TENM2: variants seen among roughly 807,000 people sequenced by gnomAD.
TENM2 encodes teneurin-2.
In TENM2, 52 loss-of-function variants were observed where a neutral mutation model predicts 245.2. The observed-to-expected ratio is 0.21, with a 90% confidence interval of 0.17 to 0.27. The LOEUF is 0.27. TENM2 is among the 10% of genes least tolerant of loss of function. The pLI is 1.00. For missense variants in TENM2, 3,046 were observed against 3,666.8 expected, an observed-to-expected ratio of 0.83 and a Z score of 4.37; for synonymous variants, 1,363 against 1,438.9, an observed-to-expected ratio of 0.95 and a Z score of 1.19.
At chr5:167,001,782 G>A in the TENM2 span, among the ~76,000 whole-genome samples, 1 of 151,840 alleles carries the variant, frequency 6.6e-6, no homozygotes, top group South Asian at 2.1e-4. Context: ...CAAAGCACAT[G>A]GTACAAGCTT....
intron 1 of TENM2, among the ~76,000 whole-genome samples, chr5:167,316,138 C>T: frequency 6.6e-6 from 1 of 152,130 alleles, no homozygotes; most frequent in Admixed American, 6.6e-5. Context: ...CTAAGATTTG[C>T]TTATTTGCTT....
At chr5:167,746,840 G>A (rs10064302) in intron 2 of TENM2, among the ~76,000 whole-genome samples, 19,455 of 151,974 alleles carry the variant, frequency 0.13, 1,582 homozygotes, top group African/African-American at 0.23. Flanking sequence ...GTGTGTGTGC[G>A]TGTGTGTGCA....
At chr5:167,589,157 G>GCTGGC (rs1775705741) in intron 2 of TENM2, among the ~76,000 whole-genome samples, 1 of 150,246 alleles carries the variant, frequency 6.7e-6, no homozygotes, top group Non-Finnish European at 1.5e-5. Context: ...AACTGAGATT[G>GCTGGC]TGCCATTGCA....
At chr5:167,102,637 T>C in the TENM2 span, among the ~76,000 whole-genome samples, 1 of 152,162 alleles carries the variant, frequency 6.6e-6, no homozygotes, top group Admixed American at 6.5e-5. Context: ...GTTTTAGACT[T>C]CACACAGTTT....
chr5:167,617,840 C>T (rs1777889881), intron 2 of TENM2, among the ~76,000 whole-genome samples: 4 of 152,184 alleles, frequency 2.6e-5, no homozygotes, highest in Admixed American at 2.6e-4. Flanking sequence ...ACAGTAAACT[C>T]TCTGCCTATA....
At position 168,162,775 on chromosome 5, in the gene TENM2, C is replaced by T; in HGVS notation, c.2569+18C>T. ...TGAGGGAGGTGAGCACGCGTCTTCTCATTCCCAGCCCCTAAGAGCAGAGCG... is the reference window on the plus strand; with the variant it reads ...TGAGGGAGGTGAGCACGCGTCTTCTTATTCCCAGCCCCTAAGAGCAGAGCG... On this transcript the variant is annotated intron_variant, in intron 13 of 28. Coordinates refer to ENST00000518659, the Ensembl canonical transcript of TENM2. 6.2e-7 allele frequency: 1 copy of T among 1,612,802 alleles called. No homozygotes were observed. The highest frequency in any genetic ancestry group is 1.1e-5 in the South Asian group (1 of 90,968).
At chr5:168,050,672 C>G (rs746844368) in intron 6 of TENM2, among the ~76,000 whole-genome samples, 1 of 152,166 alleles carries the variant, frequency 6.6e-6, no homozygotes, top group Non-Finnish European at 1.5e-5. Flanking sequence ...ATTACCTGGT[C>G]TTTAGGAGTA....
intron 2 of TENM2, among the ~76,000 whole-genome samples, chr5:167,387,633 A>T (rs965082001): frequency 6.6e-6 from 1 of 152,074 alleles, no homozygotes; most frequent in Non-Finnish European, 1.5e-5. Flanking sequence ...TTCCCCATTC[A>T]GTATTATGTT....
At chr5:167,761,210 TTTC>T (rs2150708731) in intron 2 of TENM2, among the ~76,000 whole-genome samples, 1 of 152,318 alleles carries the variant, frequency 6.6e-6, no homozygotes, top group Non-Finnish European at 1.5e-5. Context: ...CCCTGCTTAT[TTTC>T]TTACTTTTAC....
chr5:167,851,595 G>A (rs1232030236), intron 2 of TENM2, among the ~76,000 whole-genome samples: 1 of 152,118 alleles, frequency 6.6e-6, no homozygotes, highest in Admixed American at 6.6e-5. Flanking sequence ...GTAGACTTTT[G>A]ACTATAAAGA....
intron 4 of TENM2, among the ~76,000 whole-genome samples, chr5:167,980,667 T>A (rs1290273577): frequency 6.6e-6 from 1 of 152,154 alleles, no homozygotes; most frequent in Non-Finnish European, 1.5e-5. Flanking sequence ...TTTTGATTTA[T>A]GTTTGTAGGA....
At chr5:167,135,590 C>T in the TENM2 span, among the ~76,000 whole-genome samples, 1 of 152,114 alleles carries the variant, frequency 6.6e-6, no homozygotes, top group African/African-American at 2.4e-5. Context: ...TCCTGGCTAA[C>T]ACCGTGAAAC....
chr5:168,020,276 A>G (rs1247106740), intron 5 of TENM2, among the ~76,000 whole-genome samples: 1 of 152,168 alleles, frequency 6.6e-6, no homozygotes, highest in Non-Finnish European at 1.5e-5. Context: ...GAGTTCGCCC[A>G]TTCTCCAGAG....
chr5:167,433,068 G>A (rs1159753693), intron 2 of TENM2, among the ~76,000 whole-genome samples: 1 of 151,598 alleles, frequency 6.6e-6, no homozygotes, highest in Non-Finnish European at 1.5e-5. Context: ...ACAATTTATT[G>A]TTGTTTCACT....
intron 7 of TENM2, among the ~76,000 whole-genome samples, chr5:168,090,345 C>A (rs1792829301): frequency 6.6e-6 from 1 of 151,430 alleles, no homozygotes; most frequent in South Asian, 2.1e-4. Context: ...AGATTGTGGC[C>A]TAGAGTAATA....
At chr5:168,156,849 A>G (rs1757231661) in intron 12 of TENM2, among the ~76,000 whole-genome samples, 1 of 152,154 alleles carries the variant, frequency 6.6e-6, no homozygotes, top group Non-Finnish European at 1.5e-5. Context: ...AATACTGGCA[A>G]TCCAAGAGTA....
At chr5:167,054,281 C>A in the TENM2 span, among the ~76,000 whole-genome samples, 1 of 152,196 alleles carries the variant, frequency 6.6e-6, no homozygotes, top group African/African-American at 2.4e-5. Flanking sequence ...TAGTTGGAAT[C>A]ATACCATATG....
intron 2 of TENM2, among the ~76,000 whole-genome samples, chr5:167,567,977 CAA>C (rs70976435): frequency 1.4e-5 from 2 of 141,848 alleles, no homozygotes; most frequent in Admixed American, 7.0e-5. Context: ...ATATATTGTA[CAA>C]AAAAAAAAAA....
intron 2 of TENM2, among the ~76,000 whole-genome samples, chr5:167,434,497 A>T (rs1165722634): frequency 6.6e-6 from 1 of 151,354 alleles, no homozygotes; most frequent in Non-Finnish European, 1.5e-5. Context: ...AAAATTTTTA[A>T]TGTTTATTCT....
Sources: allele counts gnomAD v4.1 joint callset (sites outside exome capture counted in the v4.1 genomes callset), GRCh38; gene constraint gnomAD v4.1.1; transcripts MANE v1.5; gene names NCBI Gene and HGNC (gene_info 2026-07-23, HGNC 2026-07-21).